The following SPTBN1 variants were observed in gnomAD, a reference collection of about 807,000 sequenced individuals.
SPTBN1 encodes spectrin beta, non-erythrocytic 1.
A neutral mutation model predicts 266.4 loss-of-function variants in SPTBN1; 32 were observed. The ratio of observed to expected loss-of-function variants is 0.12; its 90% CI spans 0.09 to 0.16. The LOEUF (loss-of-function observed/expected upper bound fraction) is 0.16, where lower values mean the gene tolerates loss of function less well. Among genes scored for constraint, SPTBN1 ranks in the 10% least tolerant of loss-of-function variants. SPTBN1 has a pLI of 1.00. For synonymous variants in SPTBN1, 1,336 were observed against 1,162.2 expected, an observed-to-expected ratio of 1.15 and a Z score of -3.04; for missense variants, 2,296 against 3,067.1, an observed-to-expected ratio of 0.75 and a Z score of 5.94.
Position 54,628,798 on chromosome 2 carries a change from G to T in SPTBN1, c.1799-135G>T, listed in dbSNP as rs567648521. The T allele has an allele frequency of 3.4e-6, 4 of 1,162,190 alleles. No homozygotes were observed. In the African/African-American group the frequency reaches 6.2e-5, roughly 18 times the overall value. The allele number at this position is 1,162,190 out of a possible 1,614,324, so 72.0% of individuals were successfully genotyped here. A position where few individuals can be genotyped will look rare whatever the true frequency, so the allele number is the denominator to read the frequency against. On this transcript the variant is annotated intron_variant, in intron 13 of 35. Transcript: ENST00000356805. The surrounding 1 kb of genome is among the most constrained non-coding windows in gnomAD (Gnocchi z 4.3). ...TTAGAAGGTGCTCCATTGCCTTATCGCATGGCCCTGCATTTACATTTAGCA... is the reference window on the plus strand; with the variant it reads ...TTAGAAGGTGCTCCATTGCCTTATCTCATGGCCCTGCATTTACATTTAGCA...
At chr2:54,578,435 G>A (rs1674636581) in intron 2 of SPTBN1, among the ~76,000 whole-genome samples, 1 of 152,136 alleles carries the variant, frequency 6.6e-6, no homozygotes, top group Admixed American at 6.5e-5. Flanking sequence ...GAATAAAATG[G>A]ATAATCCCTG....
At chr2:54,462,046 C>T (rs1454150734) in intron 1 of SPTBN1, among the ~76,000 whole-genome samples, 9 of 152,200 alleles carry the variant, frequency 5.9e-5, no homozygotes, top group Non-Finnish European at 1.0e-4. Context: ...GTGTTGTATA[C>T]TAGCCTTATG....
chr2:54,584,747 G>A (rs1675170587), intron 2 of SPTBN1, among the ~76,000 whole-genome samples: 1 of 152,146 alleles, frequency 6.6e-6, no homozygotes, highest in Non-Finnish European at 1.5e-5. Flanking sequence ...GAACAAATCA[G>A]CAAGAGCAAG....
intron 4 of SPTBN1, among the ~76,000 whole-genome samples, chr2:54,614,373 T>C (rs1051821739): frequency 1.3e-5 from 2 of 152,066 alleles, no homozygotes; most frequent in Non-Finnish European, 2.9e-5. Context: ...TTTTACAAGT[T>C]CCCAGTGTGT....
chr2:54,566,736 C>T (rs1211198341), intron 2 of SPTBN1, among the ~76,000 whole-genome samples: 2 of 151,910 alleles, frequency 1.3e-5, no homozygotes, highest in African/African-American at 4.8e-5. Flanking sequence ...GAGGCTGAGG[C>T]ATGAGAATTG....
rs375096161 is a variant in SPTBN1 at position 54,649,589 on chromosome 2, G to C, written c.5203-26G>C. 7 of 1,599,236 alleles carry C rather than the reference G, an allele frequency of 4.4e-6. No homozygotes were observed. Among genetic ancestry groups the C allele is most frequent in the Non-Finnish European group, 6.0e-6 (7 of 1,168,658 alleles). ...ATACAGAGTTCACAGTGGGCTCTCT[G>C]ATTTCCTTACCCATCCCCGTTTCAG... On this transcript the variant is annotated intron_variant, in intron 25 of 35. Coordinates refer to ENST00000356805, the MANE Select transcript of SPTBN1 (RefSeq NM_003128.3). The surrounding 1 kb of genome is among the most constrained non-coding windows in gnomAD (Gnocchi z 6.7).
intron 1 of SPTBN1, among the ~76,000 whole-genome samples, chr2:54,472,108 A>G (rs1186918567): frequency 7.3e-6 from 1 of 137,808 alleles, no homozygotes; most frequent in Non-Finnish European, 1.5e-5. Context: ...GCTCACTGCA[A>G]GCTCCGCCTC....
intron 2 of SPTBN1, among the ~76,000 whole-genome samples, chr2:54,591,282 A>T (rs1242980848): frequency 6.6e-6 from 1 of 152,110 alleles, no homozygotes; most frequent in African/African-American, 2.4e-5. Flanking sequence ...AATAGTGGGG[A>T]TATGTTCATG....
chr2:54,631,533 A>G lies in SPTBN1; in HGVS notation c.3486A>G (p.Gln1162=), dbSNP rs1572714778. The change falls in exon 16 of 36, where the codon CAA becomes CAG. Residue 1162 remains glutamine (Q), a synonymous_variant. Transcript: ENST00000356805. ...NELHKMWENR[Q]NLLSQSHAYQ... ...TCCACAAGATGTGGGAGAACAGACA[A>G]AATCTCCTATCCCAGTCACATGCCT... 2 of 1,614,206 alleles carry G rather than the reference A, an allele frequency of 1.2e-6. 1 individual carries two copies. The highest frequency in any genetic ancestry group is 3.3e-5 in the Admixed American group (2 of 60,032).
chr2:54,469,591 A>G (rs1013939238), intron 1 of SPTBN1, among the ~76,000 whole-genome samples: 6 of 152,276 alleles, frequency 3.9e-5, no homozygotes, highest in South Asian at 2.1e-4. Context: ...AGGAGTCTCA[A>G]CTTGATCTTG....
chr2:54,629,457 G>A lies in SPTBN1; in HGVS notation c.2323G>A (p.Asp775Asn), dbSNP rs1804471. The change falls in exon 14 of 36, where the codon GAT becomes AAT. Residue 775 changes from aspartate to asparagine, a missense_variant. Physicochemically the swap from Asp to Asn is conservative, Grantham distance 23 (BLOSUM62 1). Around this residue, in one of 12 missense-constraint regions of SPTBN1, gnomAD observed 434 missense variants for 573.9 expected, o/e 0.76. Transcript: ENST00000356805. ...TGTCTCCAGCAGCGACGTGGGCCAC[G>A]ATGAGTATTCCACACAGTCTCTGGT... ...KIVSSSDVGH[D>N]EYSTQSLVKK... The A allele has an allele frequency of 5.0e-6, 8 of 1,614,048 alleles. No homozygotes were observed. Among genetic ancestry groups the A allele is most frequent in the African/African-American group, 1.3e-5 (1 of 74,946 alleles).
intron 34 of SPTBN1, among the ~76,000 whole-genome samples, chr2:54,667,359 T>C (rs1048437373): frequency 1.3e-5 from 2 of 152,184 alleles, no homozygotes; most frequent in African/African-American, 4.8e-5. Flanking sequence ...CTTTTTAAAA[T>C]CCTTCCATTG....
intron 2 of SPTBN1, among the ~76,000 whole-genome samples, chr2:54,539,122 G>T (rs2104388849): frequency 6.6e-6 from 1 of 152,214 alleles, no homozygotes. Flanking sequence ...TGTATCCATA[G>T]TCTCCCTCCA....
chr2:54,470,992 AC>A (rs1693890737), intron 1 of SPTBN1, among the ~76,000 whole-genome samples: 1 of 152,224 alleles, frequency 6.6e-6, no homozygotes, highest in South Asian at 2.1e-4. Flanking sequence ...TTAGTGTTTT[AC>A]TTTATGTATA....
intron 1 of SPTBN1, among the ~76,000 whole-genome samples, chr2:54,469,123 T>C (rs1017469527): frequency 6.6e-6 from 1 of 152,248 alleles, no homozygotes; most frequent in African/African-American, 2.4e-5. Context: ...TTTAAGCCTT[T>C]AGGACATCAG....
intron 18 of SPTBN1, among the ~76,000 whole-genome samples, chr2:54,640,538 T>A (rs958630863): frequency 1.3e-5 from 2 of 152,102 alleles, no homozygotes; most frequent in Non-Finnish European, 2.9e-5. Context: ...ATCATCATCT[T>A]TGTAGTGGTT....
At position 54,540,207 on chromosome 2, in the gene SPTBN1, G is replaced by A. The variant is rs1284258719; in HGVS notation, c.148+13641G>A. 1.3e-5 allele frequency among the ~76,000 whole-genome samples: 2 copies of A among 152,170 alleles called. No homozygotes were observed. The highest frequency in any genetic ancestry group is 2.1e-4 in the South Asian group (1 of 4,828). On this transcript the variant is annotated intron_variant, in intron 2 of 35. Transcript: ENST00000356805. This position sits in a 1 kb window ranked among gnomAD's most constrained non-coding sequence, Gnocchi z 5.6. ...ATTCTGTTTTAGCAGTCTGAACTAA[G>A]ATGAATTTTTCTTTTCTAGTAATAA...
chr2:54,505,299 C>CT (rs1161928807), intron 1 of SPTBN1, among the ~76,000 whole-genome samples: 1 of 152,198 alleles, frequency 6.6e-6, no homozygotes, highest in African/African-American at 2.4e-5. Context: ...GTACTCAGTT[C>CT]TTTCTGTAGC....
chr2:54,670,518 A>G lies in SPTBN1; in HGVS notation c.*1949A>G, dbSNP rs1374324649. ...CTCACCATCCTCTCCCCTGCTTCCC[A>G]CGACAGTCCTTTGCCCTTGCCATGC... On this transcript the variant is annotated 3_prime_UTR_variant, in exon 36 of 36. Transcript: ENST00000356805. 7.6e-6 allele frequency: 3 copies of G among 394,922 alleles called. No individual in the cohort carries two copies. Among genetic ancestry groups the G allele is most frequent in the Admixed American group, 8.8e-5 (2 of 22,618 alleles). The allele number at this position is 394,922 out of a possible 1,614,324, so 24.5% of individuals were successfully genotyped here. A position where few individuals can be genotyped will look rare whatever the true frequency, so the allele number is the denominator to read the frequency against.
Sources: gnomAD v4.1 joint callset for allele counts (sites outside exome capture counted in the v4.1 genomes callset) on GRCh38, gnomAD v4.1.1 for gene constraint, gnomAD v4.1.1 regional missense constraint, Gnocchi (gnomAD v3.1) non-coding constraint, MANE v1.5 for transcripts, NCBI Gene and HGNC (gene_info 2026-07-23, HGNC 2026-07-21) for gene names.